RSRC1: variants seen among roughly 807,000 people sequenced by gnomAD.
RSRC1 encodes the protein arginine and serine rich coiled-coil 1, also known as serine/Arginine-related protein 53.
A neutral mutation model predicts 49.1 loss-of-function variants in RSRC1; 39 were observed. The observed-to-expected ratio is 0.79, with a 90% CI of 0.61 to 1.04. The LOEUF is 1.04. RSRC1 is among the 50% of genes least tolerant of loss of function. The pLI is 0.00. For synonymous variants in RSRC1, 143 were observed against 130.8 expected, an observed-to-expected ratio of 1.09 and a Z score of -0.63; for missense variants, 388 against 402.4, an observed-to-expected ratio of 0.96 and a Z score of 0.31.
intron 3 of RSRC1, among the ~76,000 whole-genome samples, chr3:158,168,274 A>G (rs1469705953): frequency 6.6e-6 from 1 of 152,114 alleles, no homozygotes; most frequent in Admixed American, 6.5e-5. Flanking sequence ...ACCACCATCA[A>G]ATGACTCAGC....
At chr3:158,368,208 A>C (rs1264860593) in intron 6 of RSRC1, among the ~76,000 whole-genome samples, 1 of 152,184 alleles carries the variant, frequency 6.6e-6, no homozygotes, top group Non-Finnish European at 1.5e-5. Context: ...ACAATGCTGG[A>C]TCTCTGGGGA....
At chr3:158,379,613 T>C (rs1013887145) in intron 6 of RSRC1, among the ~76,000 whole-genome samples, 1 of 152,066 alleles carries the variant, frequency 6.6e-6, no homozygotes, top group Non-Finnish European at 1.5e-5. Context: ...CTCAATCACA[T>C]TCACCTTCTT....
At chr3:158,494,512 T>C (rs1471939826) in intron 7 of RSRC1, among the ~76,000 whole-genome samples, 1 of 152,208 alleles carries the variant, frequency 6.6e-6, no homozygotes, top group East Asian at 1.9e-4. Flanking sequence ...AGCATTTTTT[T>C]CTTCAATAAT....
chr3:158,516,276 G>T (rs1487926300), intron 7 of RSRC1, among the ~76,000 whole-genome samples: 1 of 151,820 alleles, frequency 6.6e-6, no homozygotes, highest in Non-Finnish European at 1.5e-5. Context: ...TGGGTTTTTG[G>T]TGTGGATGTC....
At chr3:158,427,176 A>T (rs1322004848) in intron 6 of RSRC1, among the ~76,000 whole-genome samples, 2 of 151,134 alleles carry the variant, frequency 1.3e-5, no homozygotes, top group Non-Finnish European at 1.5e-5. Context: ...GAAATAATAA[A>T]TGATAGCCAA....
chr3:158,432,877 A>G (rs1735844726), intron 6 of RSRC1, among the ~76,000 whole-genome samples: 1 of 151,910 alleles, frequency 6.6e-6, no homozygotes, highest in Non-Finnish European at 1.5e-5. Context: ...ATATATACAC[A>G]CACAGAGTGA....
chr3:158,507,998 A>G (rs1013003387), intron 7 of RSRC1, among the ~76,000 whole-genome samples: 1 of 152,176 alleles, frequency 6.6e-6, no homozygotes, highest in African/African-American at 2.4e-5. Context: ...CCTAGAGCCC[A>G]GGAGATCAAG....
intron 4 of RSRC1, among the ~76,000 whole-genome samples, chr3:158,232,459 C>T (rs760510280): frequency 6.6e-6 from 1 of 152,026 alleles, no homozygotes; most frequent in African/African-American, 2.4e-5. Flanking sequence ...ATAGTCACCA[C>T]CATACTCACA....
At chr3:158,467,593 G>C (rs1436287671) in intron 7 of RSRC1, among the ~76,000 whole-genome samples, 2 of 152,108 alleles carry the variant, frequency 1.3e-5, no homozygotes, top group South Asian at 4.1e-4. Context: ...TGAAAGATAT[G>C]GTTCTCTGTT....
chr3:158,172,162 G>C (rs1718918660), intron 3 of RSRC1, among the ~76,000 whole-genome samples: 1 of 152,006 alleles, frequency 6.6e-6, no homozygotes, highest in Non-Finnish European at 1.5e-5. Context: ...AGAAGTAATG[G>C]CTAAAAATTT....
intron 7 of RSRC1, among the ~76,000 whole-genome samples, chr3:158,535,078 A>G (rs991564184): frequency 6.6e-6 from 1 of 151,388 alleles, no homozygotes; most frequent in Admixed American, 6.6e-5. Flanking sequence ...AAGACCTAAA[A>G]TATTTTTTCA....
chr3:158,121,999 C>T (rs1715289935), intron 1 of RSRC1, 104 bp from the exon 2 acceptor site: 2 of 619,678 alleles, frequency 3.2e-6, no homozygotes, highest in Non-Finnish European at 5.0e-6. Flanking sequence ...AGGGAGACCC[C>T]ATCTCTAAAA....
chr3:158,211,487 C>G (rs147012916), intron 4 of RSRC1, among the ~76,000 whole-genome samples: 2 of 151,906 alleles, frequency 1.3e-5, no homozygotes, highest in African/African-American at 4.8e-5. Context: ...GCTTCTTCCA[C>G]ATAGGGGAAG....
chr3:158,314,486 A>G (rs916775825), intron 5 of RSRC1, among the ~76,000 whole-genome samples: 3 of 151,954 alleles, frequency 2.0e-5, no homozygotes, highest in Admixed American at 6.6e-5. Context: ...TATGCTAAAC[A>G]GTTAAATTTA....
rs1380686543 is a variant in RSRC1, at chr3:158,545,052, A to G, written c.*777A>G. 1 of 152,212 alleles carries G rather than the reference A, an allele frequency of 6.6e-6. No individual in the cohort carries two copies. The highest frequency in any genetic ancestry group is 1.5e-5 in the Non-Finnish European group (1 of 68,044). 9.4% of individuals were successfully genotyped at this position (152,212 alleles called of 1,614,324 possible). A position where few individuals can be genotyped will look rare whatever the true frequency, so the allele number is the denominator to read the frequency against. Reference sequence around the variant, plus strand: ...AATTGTTTTGATAAGGCTATCTGCCATTGTAGAATACCTTTCTCTAGTAGC... The same window carrying G: ...AATTGTTTTGATAAGGCTATCTGCCGTTGTAGAATACCTTTCTCTAGTAGC... On this transcript the variant is annotated 3_prime_UTR_variant, in exon 10 of 10. Transcript: ENST00000611884.
At chr3:158,276,334 A>G in intron 4 of RSRC1, 2 of 767,690 alleles carry the variant, frequency 2.6e-6, no homozygotes, top group Admixed American at 3.4e-5. Context: ...AGCTGGCGGT[A>G]CTGCCAGCAG....
At chr3:158,207,137 C>T (rs548437983) in intron 4 of RSRC1, among the ~76,000 whole-genome samples, 23 of 152,194 alleles carry the variant, frequency 1.5e-4, no homozygotes, top group African/African-American at 5.1e-4. Context: ...TGCCTCTTAA[C>T]GACACACTAT....
intron 4 of RSRC1, among the ~76,000 whole-genome samples, chr3:158,257,188 C>T (rs1018420591): frequency 3.3e-5 from 5 of 152,064 alleles, no homozygotes; most frequent in African/African-American, 1.2e-4. Context: ...TAGACCTTTC[C>T]TGCTTTCTCT....
At chr3:158,289,714 CTG>C (rs1726800450) in intron 4 of RSRC1, among the ~76,000 whole-genome samples, 1 of 152,132 alleles carries the variant, frequency 6.6e-6, no homozygotes, top group Non-Finnish European at 1.5e-5. Flanking sequence ...GAAGCAGAAA[CTG>C]AGAATTTCAG....
Sources: allele counts gnomAD v4.1 joint callset (sites outside exome capture counted in the v4.1 genomes callset), GRCh38; gene constraint gnomAD v4.1.1; transcripts MANE v1.5; gene names NCBI Gene and HGNC (gene_info 2026-07-23, HGNC 2026-07-21).